BCAS3: variants seen among roughly 807,000 people sequenced by gnomAD.
The protein encoded by BCAS3 is BCAS3 microtubule associated cell migration factor.
Under a neutral mutation model 116.1 loss-of-function variants are expected in BCAS3, and 53 were observed. The ratio of observed to expected loss-of-function variants is 0.46; its 90% CI spans 0.37 to 0.57. The LOEUF (loss-of-function observed/expected upper bound fraction) is 0.57. BCAS3 is among the 20% of genes least tolerant of loss of function. The probability of loss-of-function intolerance (pLI) is 0.00; values close to 1 mark genes in which losing one functional copy is unlikely to be tolerated. For missense variants in BCAS3, 917 were observed against 1,165.4 expected, an observed-to-expected ratio of 0.79 and a Z score of 3.10; for synonymous variants, 391 against 408.2, an observed-to-expected ratio of 0.96 and a Z score of 0.51.
intron 7 of BCAS3, among the ~76,000 whole-genome samples, chr17:60,840,266 A>G (rs983263583): frequency 6.6e-6 from 1 of 152,186 alleles, no homozygotes; most frequent in African/African-American, 2.4e-5. Flanking sequence ...CAAGCATAAA[A>G]GATCCTTTTG....
At chr17:60,780,318 A>G (rs1361975743) in intron 6 of BCAS3, among the ~76,000 whole-genome samples, 1 of 138,024 alleles carries the variant, frequency 7.2e-6, no homozygotes, top group Non-Finnish European at 1.5e-5. Context: ...ATTTTTTGAG[A>G]CAGTGTCACC....
intron 5 of BCAS3, among the ~76,000 whole-genome samples, chr17:60,730,340 G>T (rs890843953): frequency 3.3e-5 from 5 of 152,198 alleles, no homozygotes; most frequent in Non-Finnish European, 7.4e-5. Flanking sequence ...CTGCCTGCCT[G>T]AAGTTTTGTA....
In BCAS3 at chr17:61,171,798, A is replaced by AAT. The variant is rs1458793292; in HGVS notation, c.2425+87234_2425+87235insAT. The stretch of plus-strand genomic sequence containing the variant: ...ACCATGCCCTGCTAATTAAAAAAAA[A>AAT]TTTTTTTTTTTTTTTGTAGAAATGG... On this transcript the variant is annotated intron_variant, in intron 22 of 23. Coordinates refer to ENST00000407086, the MANE Select transcript of BCAS3 (RefSeq NM_017679.5). The surrounding 1 kb of genome is among the most constrained non-coding windows in gnomAD (Gnocchi z 4.1). Among the ~76,000 whole-genome samples, 1 of 142,514 alleles carries AAT rather than the reference A, an allele frequency of 7.0e-6. No homozygotes were observed. Among genetic ancestry groups the AAT allele is most frequent in the African/African-American group, 2.6e-5 (1 of 38,856 alleles). The allele number at this position is 142,514 out of a possible 152,430, so 93.5% of individuals were successfully genotyped here.
intron 7 of BCAS3, among the ~76,000 whole-genome samples, chr17:60,809,182 G>A (rs571957863): frequency 1.5e-3 from 223 of 151,674 alleles, no homozygotes; most frequent in Non-Finnish European, 2.6e-3. Flanking sequence ...TACCCGGAAG[G>A]CTGAGGCACG....
Position 61,213,229 on chromosome 17 carries a change from G to T in BCAS3, c.2425+128665G>T, listed in dbSNP as rs2081576779. On this transcript the variant is annotated intron_variant, in intron 22 of 23. Coordinates refer to ENST00000407086, the MANE Select transcript of BCAS3 (RefSeq NM_017679.5). The surrounding 1 kb of genome is among the most constrained non-coding windows in gnomAD (Gnocchi z 5.4). ...CTGTCACCCAGGCTGGAGTGCGGTGGTGCAGTCTTGGCTCACTGCAACCTC... is the reference window on the plus strand; with the variant it reads ...CTGTCACCCAGGCTGGAGTGCGGTGTTGCAGTCTTGGCTCACTGCAACCTC... Among the ~76,000 whole-genome samples the T allele has an allele frequency of 6.6e-6, 1 of 152,056 alleles. No homozygotes were observed. Among genetic ancestry groups the T allele is most frequent in the South Asian group, 2.1e-4 (1 of 4,826 alleles).
At position 61,330,183 on chromosome 17, in the gene BCAS3, C is replaced by T. The variant is rs114278908; in HGVS notation, c.2426-38144C>T. ...GCTAAGAGTAGGTTTTTTATTTCTT[C>T]GTTTCTTCCTACCTTCCTTCCCTTC... On this transcript the variant is annotated intron_variant, in intron 22 of 23. Coordinates refer to ENST00000407086, the MANE Select transcript of BCAS3 (RefSeq NM_017679.5). 2.1e-3 allele frequency among the ~76,000 whole-genome samples: 322 copies of T among 152,106 alleles called. 1 individual carries two copies. The highest frequency in any genetic ancestry group is 7.4e-3 in the African/African-American group (306 of 41,492).
rs1417618440 is a variant in BCAS3, at chr17:61,140,659, G to A, written c.2425+56095G>A. On this transcript the variant is annotated intron_variant, in intron 22 of 23. Transcript: ENST00000407086. The surrounding 1 kb of genome is among the most constrained non-coding windows in gnomAD (Gnocchi z 4.2). ...TATGGCCTTTATATAACTTTGGAAT[G>A]CAAAAGAAAAGAGAAAACTCTCTTT... 1.3e-5 allele frequency among the ~76,000 whole-genome samples: 2 copies of A among 151,574 alleles called. No homozygotes were observed. The highest frequency in any genetic ancestry group is 4.8e-5 in the African/African-American group (2 of 41,238).
chr17:60,778,421 C>A (rs1200714573), intron 6 of BCAS3, among the ~76,000 whole-genome samples: 1 of 151,964 alleles, frequency 6.6e-6, no homozygotes, highest in South Asian at 2.1e-4. Context: ...TGTGGTGCAG[C>A]AAAATTTTAA....
chr17:61,078,303 A>G (rs771199598), intron 20 of BCAS3, 30 bp from the exon 21 acceptor site: 7 of 1,571,792 alleles, frequency 4.5e-6, no homozygotes, highest in East Asian at 2.2e-5. Context: ...ATCACAAACC[A>G]TTTAAATCAT....
chr17:60,847,827 A>G (rs2052668295), intron 7 of BCAS3, among the ~76,000 whole-genome samples: 1 of 152,162 alleles, frequency 6.6e-6, no homozygotes, highest in Non-Finnish European at 1.5e-5. Flanking sequence ...TTTGTTCCAC[A>G]GAAATTTTAA....
intron 6 of BCAS3, among the ~76,000 whole-genome samples, chr17:60,797,644 A>T (rs1043360075): frequency 6.6e-6 from 1 of 152,028 alleles, no homozygotes; most frequent in African/African-American, 2.4e-5. Flanking sequence ...TCAACCTGTC[A>T]TCTACATTAG....
intron 5 of BCAS3, among the ~76,000 whole-genome samples, chr17:60,743,318 T>C (rs950161084): frequency 6.6e-6 from 1 of 152,040 alleles, no homozygotes; most frequent in Admixed American, 6.6e-5. Flanking sequence ...GAAATCAGGA[T>C]TGTAGTTATG....
rs978972638 is a variant in BCAS3 at position 61,005,886 on chromosome 17, G to C, written c.1487-9865G>C. 6.5e-4 allele frequency among the ~76,000 whole-genome samples: 98 copies of C among 151,176 alleles called. 1 individual carries two copies. The highest frequency in any genetic ancestry group is 2.8e-3 in the Admixed American group (43 of 15,158). ...TATGTATACATGTGCCATGCTGGTG[G>C]GCTGCACCCACTAACTTGTCATCTA... On this transcript the variant is annotated intron_variant, in intron 15 of 23. Transcript: ENST00000407086.
chr17:61,191,041 G>C (rs959293110), intron 22 of BCAS3, among the ~76,000 whole-genome samples: 1 of 152,048 alleles, frequency 6.6e-6, no homozygotes. Context: ...CTGTACTCCA[G>C]CCTGGGTGAC....
intron 19 of BCAS3, among the ~76,000 whole-genome samples, chr17:61,044,212 C>A (rs1246574876): frequency 1.3e-5 from 2 of 151,688 alleles, no homozygotes; most frequent in African/African-American, 2.4e-5. Context: ...CTTTCGGAGA[C>A]CAAGGCCGGC....
At chr17:61,160,593 A>G (rs2078114950) in intron 22 of BCAS3, among the ~76,000 whole-genome samples, 1 of 152,170 alleles carries the variant, frequency 6.6e-6, no homozygotes, top group Non-Finnish European at 1.5e-5. Context: ...AAATATCACA[A>G]AAATTGTATT....
Position 61,211,572 on chromosome 17 carries a change from G to T in BCAS3, c.2425+127008G>T, listed in dbSNP as rs2081459749. Among the ~76,000 whole-genome samples the T allele has an allele frequency of 6.6e-6, 1 of 152,038 alleles. No homozygotes were observed. Among genetic ancestry groups the T allele is most frequent in the Non-Finnish European group, 1.5e-5 (1 of 68,018 alleles). Reference sequence around the variant, plus strand: ...AGAGGTGGCCGAGAAAGGCAGACAGGCTCTCCTGAGGCTGGTGTTGCAGAT... The same window carrying T: ...AGAGGTGGCCGAGAAAGGCAGACAGTCTCTCCTGAGGCTGGTGTTGCAGAT... On this transcript the variant is annotated intron_variant, in intron 22 of 23. Coordinates refer to ENST00000407086, the MANE Select transcript of BCAS3 (RefSeq NM_017679.5). This position sits in a 1 kb window ranked among gnomAD's most constrained non-coding sequence, Gnocchi z 4.4.
chr17:60,743,336 T>C (rs2041754100), intron 5 of BCAS3, among the ~76,000 whole-genome samples: 1 of 152,070 alleles, frequency 6.6e-6, no homozygotes, highest in Non-Finnish European at 1.5e-5. Context: ...ATGGCCACTC[T>C]TGAGTTGGGA....
intron 10 of BCAS3, among the ~76,000 whole-genome samples, chr17:60,902,125 C>T (rs752638357): frequency 3.3e-5 from 5 of 152,082 alleles, no homozygotes; most frequent in Non-Finnish European, 7.4e-5. Flanking sequence ...TTGATTTATG[C>T]GTAATTTGTA....
Sources: gnomAD v4.1 joint callset for allele counts (sites outside exome capture counted in the v4.1 genomes callset) on GRCh38, gnomAD v4.1.1 for gene constraint, Gnocchi (gnomAD v3.1) non-coding constraint, MANE v1.5 for transcripts, NCBI Gene and HGNC (gene_info 2026-07-23, HGNC 2026-07-21) for gene names.